Variants in PDE4D observed in about 807,000 individuals in gnomAD.
The protein encoded by PDE4D is phosphodiesterase 4D, also known as 3',5'-cyclic-AMP phosphodiesterase 4D.
In PDE4D, 24 loss-of-function variants were observed where a neutral mutation model predicts 87.4. The observed-to-expected ratio is 0.27, with a 90% CI of 0.20 to 0.39. The LOEUF (loss-of-function observed/expected upper bound fraction) is 0.39. PDE4D is among the 10% of genes least tolerant of loss of function. The pLI, the probability that PDE4D is intolerant of heterozygous loss-of-function variation, is 1.00. For synonymous variants in PDE4D, 384 were observed against 383.2 expected (o/e 1.00, Z -0.02); for missense variants, 714 against 1,041.0 (o/e 0.69, Z 4.32).
At chr5:60,054,689 TAA>T (rs1222835211) in intron 2 of PDE4D, among the ~76,000 whole-genome samples, 1 of 149,306 alleles carries the variant, frequency 6.7e-6, no homozygotes, top group Non-Finnish European at 1.5e-5. Flanking sequence ...TAAAAAAAAA[TAA>T]GTTAATTATA....
intron 1 of PDE4D, among the ~76,000 whole-genome samples, chr5:60,436,500 T>C (rs183041843): frequency 3.3e-5 from 5 of 152,222 alleles, no homozygotes; most frequent in African/African-American, 1.2e-4. Context: ...TAAAAATTAA[T>C]AGTAAGCCAA....
intron 1 of PDE4D, among the ~76,000 whole-genome samples, chr5:59,478,015 G>A (rs1562257352): frequency 6.6e-6 from 1 of 151,994 alleles, no homozygotes; most frequent in East Asian, 1.9e-4. Flanking sequence ...CGGAAACATG[G>A]GAACAACAGA....
chr5:59,740,004 T>A (rs972648612), intron 1 of PDE4D, among the ~76,000 whole-genome samples: 1 of 152,200 alleles, frequency 6.6e-6, no homozygotes, highest in Non-Finnish European at 1.5e-5. Context: ...TCCAACACTG[T>A]ACAATTGCAT....
intron 5 of PDE4D, among the ~76,000 whole-genome samples, chr5:59,075,529 G>A (rs1198649413): frequency 6.6e-6 from 1 of 151,578 alleles, no homozygotes; most frequent in Non-Finnish European, 1.5e-5. Context: ...GGAAAATGTT[G>A]CTTATTTTAT....
At chr5:59,972,243 G>T (rs1401896582) in intron 3 of PDE4D, among the ~76,000 whole-genome samples, 1 of 152,144 alleles carries the variant, frequency 6.6e-6, no homozygotes, top group Non-Finnish European at 1.5e-5. Context: ...TGGAAGGCTA[G>T]GTCCTTTCTC....
intron 1 of PDE4D, among the ~76,000 whole-genome samples, chr5:59,295,444 T>C (rs147516143): frequency 3.3e-5 from 5 of 152,228 alleles, no homozygotes; most frequent in African/African-American, 1.2e-4. Flanking sequence ...GGCTTTTGTT[T>C]TGATAGACTT....
At chr5:59,363,349 G>A (rs1318010135) in intron 1 of PDE4D, among the ~76,000 whole-genome samples, 3 of 151,424 alleles carry the variant, frequency 2.0e-5, no homozygotes, top group East Asian at 1.9e-4. Context: ...CTGAGGAAAC[G>A]AAGACTTACG....
intron 1 of PDE4D, among the ~76,000 whole-genome samples, chr5:59,568,833 C>T (rs1468233202): frequency 6.6e-6 from 1 of 151,656 alleles, no homozygotes; most frequent in East Asian, 1.9e-4. Context: ...CTGAGTGGGG[C>T]CCTGGAATAG....
At chr5:60,105,798 A>C (rs1428998641) in intron 2 of PDE4D, among the ~76,000 whole-genome samples, 1 of 152,200 alleles carries the variant, frequency 6.6e-6, no homozygotes, top group Non-Finnish European at 1.5e-5. Flanking sequence ...AATCCTTTAC[A>C]GACAAGCAAA....
chr5:60,112,748 C>T (rs563402998), intron 2 of PDE4D, among the ~76,000 whole-genome samples: 21 of 152,114 alleles, frequency 1.4e-4, no homozygotes, highest in African/African-American at 4.1e-4. Flanking sequence ...ATGAGTCAAC[C>T]GAGGATCCTT....
At chr5:59,915,969 AT>A (rs984998377) in intron 3 of PDE4D, among the ~76,000 whole-genome samples, 3 of 152,098 alleles carry the variant, frequency 2.0e-5, no homozygotes, top group Admixed American at 1.3e-4. Flanking sequence ...TACAAAAGTA[AT>A]TTTTCCCCAC....
chr5:59,308,213 G>T, intron 1 of PDE4D, among the ~76,000 whole-genome samples: 1 of 151,428 alleles, frequency 6.6e-6, no homozygotes, highest in East Asian at 1.9e-4. Context: ...GACTGTTGTG[G>T]GGTGGGGGGA....
intron 6 of PDE4D, among the ~76,000 whole-genome samples, chr5:59,007,401 A>G (rs946905166): frequency 6.6e-6 from 1 of 152,152 alleles, no homozygotes; most frequent in Non-Finnish European, 1.5e-5. Context: ...ATTCTGAGGC[A>G]AAGTTAAACT....
At chr5:60,145,696 A>G (rs1780930947) in intron 2 of PDE4D, among the ~76,000 whole-genome samples, 1 of 152,240 alleles carries the variant, frequency 6.6e-6, no homozygotes, top group Admixed American at 6.5e-5. Flanking sequence ...TGGAGAAATA[A>G]CAAATGAATG....
chr5:59,309,563 G>A (rs1265244742), intron 1 of PDE4D, among the ~76,000 whole-genome samples: 1 of 152,102 alleles, frequency 6.6e-6, no homozygotes, highest in African/African-American at 2.4e-5. Context: ...AGGAGAGGAG[G>A]GTCTCCCTTT....
intron 1 of PDE4D, among the ~76,000 whole-genome samples, chr5:60,509,596 C>G (rs1272511149): frequency 6.6e-6 from 1 of 152,128 alleles, no homozygotes; most frequent in East Asian, 1.9e-4. Flanking sequence ...GATTTTTTCT[C>G]TCATTTCATC....
rs10705466 is a variant in PDE4D at position 59,401,443 on chromosome 5, ACTATCTAT to A, written c.456-185483_456-185476del. Among the ~76,000 whole-genome samples, 1,058 of 127,550 alleles carry A rather than the reference ACTATCTAT, an allele frequency of 8.3e-3. 4 individuals carry two copies. The highest frequency in any genetic ancestry group is 0.017 in the African/African-American group (560 of 33,208). The allele number at this position is 127,550 out of a possible 152,430, so 83.7% of individuals were successfully genotyped here. A position where few individuals can be genotyped will look rare whatever the true frequency, so the allele number is the denominator to read the frequency against. On this transcript the variant is annotated intron_variant, in intron 1 of 14. Coordinates refer to ENST00000340635, the MANE Select transcript of PDE4D (RefSeq NM_001104631.2). ...TCTGTTTCTAATACATATATTAGAG[ACTATCTAT>A]CTATCTATCTATCTATCTATCTATC...
At chr5:59,359,031 C>T (rs1434039863) in intron 1 of PDE4D, among the ~76,000 whole-genome samples, 2 of 152,144 alleles carry the variant, frequency 1.3e-5, no homozygotes, top group Non-Finnish European at 2.9e-5. Context: ...AATTAACTGC[C>T]TTTGCTTACA....
intron 1 of PDE4D, among the ~76,000 whole-genome samples, chr5:59,820,204 G>A (rs1769471696): frequency 6.6e-6 from 1 of 152,090 alleles, no homozygotes; most frequent in South Asian, 2.1e-4. Flanking sequence ...AAATCTTCAA[G>A]ACAATGTTAT....
Sources: allele counts gnomAD v4.1 joint callset (sites outside exome capture counted in the v4.1 genomes callset), GRCh38; gene constraint gnomAD v4.1.1; transcripts MANE v1.5; gene names NCBI Gene and HGNC (gene_info 2026-07-23, HGNC 2026-07-21).